The following VTI1A variants were observed in gnomAD, a reference collection of about 807,000 sequenced individuals.
VTI1A encodes vesicle transport through interaction with t-SNAREs 1A.
In VTI1A, 22 loss-of-function variants were observed where a neutral mutation model predicts 34.9. The ratio of observed to expected loss-of-function variants is 0.63; its 90% CI spans 0.45 to 0.90. The LOEUF (loss-of-function observed/expected upper bound fraction) is 0.90, where lower values mean the gene tolerates loss of function less well. VTI1A is among the 40% of genes least tolerant of loss of function. The pLI is 0.00. For missense variants in VTI1A, 268 were observed against 275.6 expected, an observed-to-expected ratio of 0.97 and a Z score of 0.20; for synonymous variants, 87 against 97.3, an observed-to-expected ratio of 0.89 and a Z score of 0.62.
chr10:112,606,731 G>A (rs1845099049), intron 5 of VTI1A, among the ~76,000 whole-genome samples: 1 of 152,090 alleles, frequency 6.6e-6, no homozygotes, highest in Non-Finnish European at 1.5e-5. Flanking sequence ...AGTGACTGAT[G>A]GCTAAGATGA....
intron 5 of VTI1A, among the ~76,000 whole-genome samples, chr10:112,605,413 A>G (rs752281205): frequency 5.3e-5 from 8 of 152,168 alleles, no homozygotes; most frequent in Non-Finnish European, 8.8e-5. Context: ...TTTTCCAGGG[A>G]GGGAGTAAAT....
chr10:112,531,525 C>T (rs1850443683), intron 4 of VTI1A, among the ~76,000 whole-genome samples: 1 of 151,670 alleles, frequency 6.6e-6, no homozygotes, highest in Non-Finnish European at 1.5e-5. Context: ...AAAACCCTCC[C>T]ATTACCTAGC....
At chr10:112,702,631 G>A (rs916906398) in intron 7 of VTI1A, among the ~76,000 whole-genome samples, 16 of 152,222 alleles carry the variant, frequency 1.1e-4, no homozygotes, top group African/African-American at 3.9e-4. Context: ...CTGTCGCCCA[G>A]GCTGGAGTGC....
intron 3 of VTI1A, among the ~76,000 whole-genome samples, chr10:112,496,196 C>T (rs571322575): frequency 8.2e-6 from 1 of 122,494 alleles, no homozygotes; most frequent in Non-Finnish European, 1.7e-5. Context: ...CCCCCCCCCC[C>T]CCCCCGCCGT....
At chr10:112,630,454 T>G (rs993729747) in intron 5 of VTI1A, among the ~76,000 whole-genome samples, 2 of 152,240 alleles carry the variant, frequency 1.3e-5, no homozygotes, top group African/African-American at 4.8e-5. Context: ...TCAGGTTTTG[T>G]TCTAGATATT....
intron 3 of VTI1A, among the ~76,000 whole-genome samples, chr10:112,489,653 C>G (rs1219705097): frequency 1.3e-5 from 2 of 152,104 alleles, no homozygotes; most frequent in East Asian, 3.8e-4. Context: ...CAGTTCCCAG[C>G]TGGATGCTTA....
chr10:112,536,368 G>A (rs1450612170), intron 4 of VTI1A, among the ~76,000 whole-genome samples: 1 of 152,110 alleles, frequency 6.6e-6, no homozygotes, highest in Non-Finnish European at 1.5e-5. Context: ...GAAGGGAAGA[G>A]CAATCCTTAC....
rs117933970 is a variant in VTI1A, at chr10:112,649,890, G to A, written c.428-18328G>A. On this transcript the variant is annotated intron_variant, in intron 5 of 7. Coordinates refer to ENST00000393077, the MANE Select transcript of VTI1A (RefSeq NM_145206.4). ...GAGATAAAAAATGATCCACCTGGAC[G>A]GGACACTCACCATGAATATGAATAG... Among the ~76,000 whole-genome samples the A allele has an allele frequency of 5.1e-4, 77 of 152,250 alleles. 2 individuals carry two copies. Among genetic ancestry groups the A allele is most frequent in the East Asian group, 4.8e-3 (25 of 5,184 alleles).
chr10:112,835,252 G>T, the VTI1A span, among the ~76,000 whole-genome samples: 2 of 152,070 alleles, frequency 1.3e-5, no homozygotes, highest in African/African-American at 4.8e-5. Context: ...TCTCCTCCCC[G>T]GTGGCAGTCA....
At chr10:112,512,622 A>G (rs1849650983) in intron 3 of VTI1A, among the ~76,000 whole-genome samples, 1 of 152,044 alleles carries the variant, frequency 6.6e-6, no homozygotes, top group Non-Finnish European at 1.5e-5. Context: ...CTTTGTCTAA[A>G]CCGATGTCCC....
chr10:112,715,824 A>C (rs1011330879), intron 7 of VTI1A, among the ~76,000 whole-genome samples: 2 of 152,192 alleles, frequency 1.3e-5, no homozygotes, highest in Non-Finnish European at 2.9e-5. Flanking sequence ...GTTCACCTTG[A>C]TATCACCTGT....
At chr10:112,563,025 C>T (rs979445511) in intron 5 of VTI1A, among the ~76,000 whole-genome samples, 5 of 152,206 alleles carry the variant, frequency 3.3e-5, no homozygotes, top group African/African-American at 9.6e-5. Context: ...AAATTGCACC[C>T]GCGTAGAGTT....
intron 5 of VTI1A, among the ~76,000 whole-genome samples, chr10:112,598,001 G>C (rs1844733156): frequency 6.6e-6 from 1 of 152,136 alleles, no homozygotes; most frequent in South Asian, 2.1e-4. Context: ...CCGGCCAAGA[G>C]ACCTTGTCTC....
chr10:112,470,803 T>C (rs1848048040), intron 3 of VTI1A, among the ~76,000 whole-genome samples: 1 of 152,050 alleles, frequency 6.6e-6, no homozygotes. Context: ...GAGGCCTCCC[T>C]TGAACCCAGG....
Position 112,668,410 on chromosome 10 carries a change from G to C in VTI1A, c.498+122G>C, listed in dbSNP as rs369224207. On this transcript the variant is annotated intron_variant, in intron 6 of 7. Coordinates refer to ENST00000393077, the MANE Select transcript of VTI1A (RefSeq NM_145206.4). ...GTGTGTAAGGTGAAAGAGGGTATAA[G>C]GTCTGTGGAAAGGAAAAGGAAGAGG... is the stretch of plus-strand genomic sequence containing the variant. 1.0e-4 allele frequency: 108 copies of C among 1,063,570 alleles called. 2 individuals carry two copies. In the East Asian group the frequency reaches 2.4e-3, roughly 24 times the overall value. 65.9% of individuals were successfully genotyped at this position (1,063,570 alleles called of 1,614,324 possible). A position where few individuals can be genotyped will look rare whatever the true frequency, so the allele number is the denominator to read the frequency against.
chr10:112,570,224 C>CAGGGCA (rs1162797112), intron 5 of VTI1A, among the ~76,000 whole-genome samples: 6 of 152,062 alleles, frequency 3.9e-5, no homozygotes, highest in Non-Finnish European at 8.8e-5. Context: ...CCAACAAACT[C>CAGGGCA]TAAACTGGCT....
intron 7 of VTI1A, among the ~76,000 whole-genome samples, chr10:112,707,060 A>C (rs1329222595): frequency 6.6e-6 from 1 of 152,214 alleles, no homozygotes; most frequent in Non-Finnish European, 1.5e-5. Flanking sequence ...TTTATTATTG[A>C]ATATTTTGAA....
chr10:112,777,444 C>G (rs182342703), intron 7 of VTI1A, among the ~76,000 whole-genome samples: 3 of 152,246 alleles, frequency 2.0e-5, no homozygotes, highest in Non-Finnish European at 4.4e-5. Flanking sequence ...GAGACAGCCA[C>G]GGAGCAGTGC....
At chr10:112,831,807 T>G in the VTI1A span, 5 of 152,196 alleles carry the variant, frequency 3.3e-5, no homozygotes, top group Admixed American at 2.6e-4. Flanking sequence ...AATCCCTCCT[T>G]GACCCTGAAA....
Sources: gnomAD v4.1 joint callset for allele counts (sites outside exome capture counted in the v4.1 genomes callset) on GRCh38, gnomAD v4.1.1 for gene constraint, MANE v1.5 for transcripts, NCBI Gene and HGNC (gene_info 2026-07-23, HGNC 2026-07-21) for gene names.